The following PCDHB1 variants were observed in gnomAD, a reference collection of about 807,000 sequenced individuals.
PCDHB1 encodes the protein protocadherin beta-1.
PCDHB1 carries 44 observed loss-of-function variants against 43.5 expected under a neutral mutation model. That is an observed-to-expected ratio of 1.01 (90% confidence interval 0.79 to 1.30). The LOEUF (loss-of-function observed/expected upper bound fraction) is 1.30, where lower values mean the gene tolerates loss of function less well. Among genes scored for constraint, PCDHB1 ranks in the 50% most tolerant of loss-of-function variants. The pLI, the probability that PCDHB1 is intolerant of heterozygous loss-of-function variation, is 0.00. For synonymous variants in PCDHB1, 392 were observed against 400.8 expected, an observed-to-expected ratio of 0.98 and a Z score of 0.26; for missense variants, 919 against 1,008.9, an observed-to-expected ratio of 0.91 and a Z score of 1.21.
rs1751040050 is a variant in PCDHB1, at chr5:141,053,206, G to A, written c.1736G>A (p.Arg579Lys). ...GTLPCNDLVP[R>K]SAEAGYLVTK... ...TTGCCCTGCAATGACCTGGTGCCCA[G>A]GTCTGCAGAGGCAGGCTACCTAGTG... Residue 579 changes from arginine to lysine, a missense_variant, in exon 1 of 1, where the codon AGG becomes AAG. Physicochemically the swap from Arg to Lys is conservative, Grantham distance 26. Transcript: ENST00000306549. The A allele has an allele frequency of 4.3e-6, 7 of 1,614,232 alleles. No homozygotes were observed. Among genetic ancestry groups the A allele is most frequent in the East Asian group, 2.2e-5 (1 of 44,878 alleles).
chr5:141,051,599 G>A lies in PCDHB1; in HGVS notation c.129G>A (p.Ser43=), dbSNP rs1466973082. 5.0e-6 allele frequency: 8 copies of A among 1,613,972 alleles called. No homozygotes were observed. Among genetic ancestry groups the A allele is most frequent in the Non-Finnish European group, 5.9e-6 (7 of 1,180,016 alleles). The part of the protein sequence containing the change: ...YSVAEEMESG[S]FVANVAKDLG... ...TGGCAGAGGAAATGGAGAGCGGCTC[G>A]TTTGTGGCCAACGTAGCTAAGGACC... The change falls in exon 1 of 1, where the codon TCG becomes TCA. Residue 43 remains serine (S), a synonymous_variant. Coordinates refer to ENST00000306549, the MANE Select transcript of PCDHB1 (RefSeq NM_013340.4).
At position 141,058,722 on chromosome 5, in the gene PCDHB1, T is replaced by C. The variant is rs1200073318; in HGVS notation, c.*4795T>C. The C allele has an allele frequency of 6.6e-6, 1 of 152,218 alleles. No homozygotes were observed. Among genetic ancestry groups the C allele is most frequent in the African/African-American group, 2.4e-5 (1 of 41,470 alleles). 9.4% of individuals were successfully genotyped at this position (152,218 alleles called of 1,614,324 possible). A position where few individuals can be genotyped will look rare whatever the true frequency, so the allele number is the denominator to read the frequency against. ...ATGTTTCTGCTTAAACCAATTTTAGTATCCATTGCTAGATATTTCCTGTGG... is the reference window on the plus strand; with the variant it reads ...ATGTTTCTGCTTAAACCAATTTTAGCATCCATTGCTAGATATTTCCTGTGG... On this transcript the variant is annotated 3_prime_UTR_variant, in exon 1 of 1. Transcript: ENST00000306549.
chr5:141,053,025 A>C lies in PCDHB1; in HGVS notation c.1555A>C (p.Thr519Pro). 6.2e-7 allele frequency: 1 copy of C among 1,614,226 alleles called. No homozygotes were observed. Among genetic ancestry groups the C allele is most frequent in the Non-Finnish European group, 8.5e-7 (1 of 1,180,044 alleles). ...CAATGGGAAGCTCTACGCGCTGAGA[A>C]CCATGGATTATGAGGCCATTCAAGA... ...SGNGKLYALR[T>P]MDYEAIQDFQ... Residue 519 changes from threonine (T) to proline (P), a missense_variant, in exon 1 of 1, where the codon ACC becomes CCC. Physicochemically the swap from Thr to Pro is conservative, Grantham distance 38. Coordinates refer to ENST00000306549, the MANE Select transcript of PCDHB1 (RefSeq NM_013340.4).
Position 141,056,462 on chromosome 5 carries a change from C to T in PCDHB1, c.*2535C>T. 6.6e-6 allele frequency: 1 copy of T among 152,134 alleles called. No homozygotes were observed. Among genetic ancestry groups the T allele is most frequent in the Non-Finnish European group, 1.5e-5 (1 of 68,020 alleles). The allele number at this position is 152,134 out of a possible 1,614,324, so 9.4% of individuals were successfully genotyped here. ...TTTTTAATATTAAATATTTTACATACATTGAGTTATGATTCCGATTTAGAG... is the reference window on the plus strand; with the variant it reads ...TTTTTAATATTAAATATTTTACATATATTGAGTTATGATTCCGATTTAGAG... On this transcript the variant is annotated 3_prime_UTR_variant, in exon 1 of 1. Coordinates refer to ENST00000306549, the MANE Select transcript of PCDHB1 (RefSeq NM_013340.4).
At position 141,057,820 on chromosome 5, in the gene PCDHB1, C is replaced by T. The variant is rs894144772; in HGVS notation, c.*3893C>T. On this transcript the variant is annotated 3_prime_UTR_variant, in exon 1 of 1. Transcript: ENST00000306549. ...AGGCCACTTGTTTTTGGAGAGAACTCTGTACACCAGCTGAGATTAAGTCCA... is the reference window on the plus strand; with the variant it reads ...AGGCCACTTGTTTTTGGAGAGAACTTTGTACACCAGCTGAGATTAAGTCCA... 7 of 152,190 alleles carry T rather than the reference C, an allele frequency of 4.6e-5. No homozygotes were observed. In the East Asian group the frequency reaches 1.4e-3, roughly 29 times the overall value. The allele number at this position is 152,190 out of a possible 1,614,324, so 9.4% of individuals were successfully genotyped here. A position where few individuals can be genotyped will look rare whatever the true frequency, so the allele number is the denominator to read the frequency against.
rs1274833150 is a variant in PCDHB1, at chr5:141,059,199, T to G, written c.*5272T>G. On this transcript the variant is annotated 3_prime_UTR_variant, in exon 1 of 1. Coordinates refer to ENST00000306549, the MANE Select transcript of PCDHB1 (RefSeq NM_013340.4). ...AATTTTAAAATTTGTTGTGCAGACATGTTTATATAGTTTAAGCTATATATA... is the reference window on the plus strand; with the variant it reads ...AATTTTAAAATTTGTTGTGCAGACAGGTTTATATAGTTTAAGCTATATATA... 1.3e-5 allele frequency: 2 copies of G among 152,134 alleles called. No individual in the cohort carries two copies. Among genetic ancestry groups the G allele is most frequent in the Non-Finnish European group, 2.9e-5 (2 of 67,990 alleles). The allele number at this position is 152,134 out of a possible 1,614,324, so 9.4% of individuals were successfully genotyped here.
At position 141,054,084 on chromosome 5, in the gene PCDHB1, G is replaced by T. The variant is rs146792189; in HGVS notation, c.*157G>T. On this transcript the variant is annotated 3_prime_UTR_variant, in exon 1 of 1. Coordinates refer to ENST00000306549, the MANE Select transcript of PCDHB1 (RefSeq NM_013340.4). ...GTGAAAATGGGAAACCTAGAGTGAG[G>T]CTAGGCTTACTCAATACAAAGCAGT... 580 of 623,486 alleles carry T rather than the reference G, an allele frequency of 9.3e-4. 3 individuals are homozygous for T. In the African/African-American group the frequency reaches 9.9e-3, roughly 11 times the overall value. The allele number at this position is 623,486 out of a possible 1,614,324, so 38.6% of individuals were successfully genotyped here. A position where few individuals can be genotyped will look rare whatever the true frequency, so the allele number is the denominator to read the frequency against.
chr5:141,053,274 T>C lies in PCDHB1; in HGVS notation c.1804T>C (p.Trp602Arg). 6 of 1,614,254 alleles carry C rather than the reference T, an allele frequency of 3.7e-6. No homozygotes were observed. Among genetic ancestry groups the C allele is most frequent in the Non-Finnish European group, 5.1e-6 (6 of 1,180,038 alleles). Residue 602 changes from tryptophan (W) to arginine (R), a missense_variant, in exon 1 of 1, where the codon TGG (tryptophan) becomes CGG (arginine). Coordinates refer to ENST00000306549, the MANE Select transcript of PCDHB1 (RefSeq NM_013340.4). Reference protein sequence around the residue: ...AVDGDSGQNSWLSYHLLKATD... With the variant: ...AVDGDSGQNSRLSYHLLKATD... Reference sequence around the variant, plus strand: ...GGATGGTGACTCAGGTCAGAATTCTTGGCTTTCATATCATCTACTTAAGGC... The same window carrying C: ...GGATGGTGACTCAGGTCAGAATTCTCGGCTTTCATATCATCTACTTAAGGC...
In PCDHB1 at chr5:141,052,787, G is replaced by A; in HGVS notation, c.1317G>A (p.Glu439=). The A allele has an allele frequency of 1.9e-6, 3 of 1,614,164 alleles. No homozygotes were observed. Among genetic ancestry groups the A allele is most frequent in the Non-Finnish European group, 2.5e-6 (3 of 1,180,034 alleles). ...GCTTGTCTGCCGAGACTATGATAGA[G>A]GTGCTAATATCCGACGTTAATGACA... ...PPSLSAETMI[E]VLISDVNDNP... is the part of the protein sequence containing the mutation. Residue 439 remains glutamate, a synonymous_variant, in exon 1 of 1, where the codon GAG becomes GAA. Transcript: ENST00000306549.
In PCDHB1 at chr5:141,053,834, A is replaced by C. The variant is rs782138101; in HGVS notation, c.2364A>C (p.Lys788Asn). 6.2e-7 allele frequency: 1 copy of C among 1,614,168 alleles called. No individual in the cohort carries two copies. The highest frequency in any genetic ancestry group is 8.5e-7 in the Non-Finnish European group (1 of 1,180,008). ...FPFPHATGEI[K>N]MEAGSSLPPN... ...TCCCTCATGCCACTGGGGAGATAAA[A>C]ATGGAGGCTGGCTCCAGTTTGCCCC... Residue 788 changes from lysine (K) to asparagine (N), a missense_variant, in exon 1 of 1, where the codon AAA becomes AAC. Physicochemically the swap from Lys to Asn is moderately conservative, Grantham distance 94 (BLOSUM62 0). Coordinates refer to ENST00000306549, the MANE Select transcript of PCDHB1 (RefSeq NM_013340.4).
chr5:141,052,391 C>T lies in PCDHB1; in HGVS notation c.921C>T (p.Leu307=), dbSNP rs782556817. Residue 307 remains leucine, a synonymous_variant, in exon 1 of 1, where the codon CTC becomes CTT. Coordinates refer to ENST00000306549, the MANE Select transcript of PCDHB1 (RefSeq NM_013340.4). ...QNGEVRLRGP[L]DFEAIETYDI... is the part of the protein sequence containing the mutation. ...GAGAAGTTCGACTAAGAGGACCCCT[C>T]GATTTTGAAGCCATTGAAACATACG... 6.2e-7 allele frequency: 1 copy of T among 1,614,048 alleles called. No individual in the cohort carries two copies. Among genetic ancestry groups the T allele is most frequent in the African/African-American group, 1.3e-5 (1 of 74,924 alleles).
Position 141,052,970 on chromosome 5 carries a change from A to C in PCDHB1, c.1500A>C (p.Ser500=), listed in dbSNP as rs781947713. 5 of 1,614,214 alleles carry C rather than the reference A, an allele frequency of 3.1e-6. No homozygotes were observed. Among genetic ancestry groups the C allele is most frequent in the Admixed American group, 1.7e-5 (1 of 60,032 alleles). Residue 500 remains serine, a synonymous_variant, in exon 1 of 1, where the codon TCA becomes TCC. Transcript: ENST00000306549. ...SLLPPKNGDL[S]VFAYISINSG... Reference sequence around the variant, plus strand: ...TGCCTCCAAAAAACGGAGATCTTTCAGTCTTTGCTTACATATCCATAAATT... The same window carrying C: ...TGCCTCCAAAAAACGGAGATCTTTCCGTCTTTGCTTACATATCCATAAATT...
At position 141,052,204 on chromosome 5, in the gene PCDHB1, T is replaced by C; in HGVS notation, c.734T>C (p.Leu245Pro). The C allele has an allele frequency of 6.2e-6, 10 of 1,614,154 alleles. No homozygotes were observed. The highest frequency in any genetic ancestry group is 8.5e-6 in the Non-Finnish European group (10 of 1,180,014). Reference protein sequence around the residue: ...VNDHVPQFSRLVYRAQVSENS... With the variant: ...VNDHVPQFSRPVYRAQVSENS... ...GACCACGTGCCCCAGTTCTCGCGAC[T>C]GGTGTACAGAGCCCAGGTATCAGAG... Residue 245 changes from leucine (L) to proline (P), a missense_variant, in exon 1 of 1, where the codon CTG becomes CCG. Transcript: ENST00000306549.
rs1439403457 is a variant in PCDHB1 at position 141,054,495 on chromosome 5, T to C, written c.*568T>C. 6.6e-6 allele frequency: 1 copy of C among 152,338 alleles called. No homozygotes were observed. Among genetic ancestry groups the C allele is most frequent in the African/African-American group, 2.4e-5 (1 of 41,424 alleles). The allele number at this position is 152,338 out of a possible 1,614,324, so 9.4% of individuals were successfully genotyped here. On this transcript the variant is annotated 3_prime_UTR_variant, in exon 1 of 1. Coordinates refer to ENST00000306549, the MANE Select transcript of PCDHB1 (RefSeq NM_013340.4). ...GAGTGATTATCTTTGATCAATACCT[T>C]GCCTGCAATCATTCATAATCATAAT... is the stretch of plus-strand genomic sequence containing the variant.
chr5:141,051,903 A>G lies in PCDHB1; in HGVS notation c.433A>G (p.Ser145Gly). The G allele has an allele frequency of 1.2e-6, 2 of 1,614,084 alleles. No homozygotes were observed. The highest frequency in any genetic ancestry group is 1.7e-6 in the Non-Finnish European group (2 of 1,180,014). The change falls in exon 1 of 1, where the codon AGC (serine) becomes GGC (glycine). Residue 145 changes from serine (S) to glycine (G), a missense_variant. Transcript: ENST00000306549. ...GGAGCCGCTTTTAAAGATTCCGGAG[A>G]GCACCCCTTTGGGTTCACGTTTTCC... Reference protein sequence around the residue: ...NKEPLLKIPESTPLGSRFPLQ... With the variant: ...NKEPLLKIPEGTPLGSRFPLQ...
chr5:141,053,520 G>A lies in PCDHB1; in HGVS notation c.2050G>A (p.Val684Ile). The change falls in exon 1 of 1, where the codon GTA (valine) becomes ATA (isoleucine). Residue 684 changes from valine (V) to isoleucine (I), a missense_variant. Coordinates refer to ENST00000306549, the MANE Select transcript of PCDHB1 (RefSeq NM_013340.4). The part of the protein sequence containing the change: ...FQDPTKHSRK[V>I]NPSTKYLVIS... The stretch of plus-strand genomic sequence containing the variant: ...GGATCCAACCAAGCATTCTAGAAAG[G>A]TAAATCCATCCACTAAATATTTGGT... The A allele has an allele frequency of 6.2e-7, 1 of 1,614,124 alleles. No individual in the cohort carries two copies. The highest frequency in any genetic ancestry group is 8.5e-7 in the Non-Finnish European group (1 of 1,180,010).
rs1288546838 is a variant in PCDHB1 at position 141,058,918 on chromosome 5, T to G, written c.*4991T>G. 2 of 152,178 alleles carry G rather than the reference T, an allele frequency of 1.3e-5. No homozygotes were observed. The highest frequency in any genetic ancestry group is 2.9e-5 in the Non-Finnish European group (2 of 68,000). The allele number at this position is 152,178 out of a possible 1,614,324, so 9.4% of individuals were successfully genotyped here. A position where few individuals can be genotyped will look rare whatever the true frequency, so the allele number is the denominator to read the frequency against. ...CTCCTCTATTATTTGGGTTACAAAC[T>G]AATCCTATCATTTACTTTGTTGTTC... On this transcript the variant is annotated 3_prime_UTR_variant, in exon 1 of 1. Coordinates refer to ENST00000306549, the MANE Select transcript of PCDHB1 (RefSeq NM_013340.4).
At position 141,051,518 on chromosome 5, in the gene PCDHB1, T is replaced by C. The variant is rs2233590; in HGVS notation, c.48T>C (p.Ser16=). Residue 16 remains serine, a synonymous_variant, in exon 1 of 1, where the codon TCT becomes TCC. Coordinates refer to ENST00000306549, the MANE Select transcript of PCDHB1 (RefSeq NM_013340.4). ...RKSLQNRQVG[S]LLIFLCISVG... ...CTTTGCAAAACAGGCAAGTGGGATC[T>C]CTTCTCATTTTTCTGTGCATATCTG... is the stretch of plus-strand genomic sequence containing the variant. 6,005 of 1,614,246 alleles carry C rather than the reference T, an allele frequency of 3.7e-3. 224 individuals carry two copies. The East Asian group carries it at 0.092, about 25-fold the overall frequency.
At position 141,053,288 on chromosome 5, in the gene PCDHB1, T is replaced by C. The variant is rs1751043137; in HGVS notation, c.1818T>C (p.His606=). 6.2e-7 allele frequency: 1 copy of C among 1,614,090 alleles called. No individual in the cohort carries two copies. The highest frequency in any genetic ancestry group is 1.1e-5 in the South Asian group (1 of 91,090). ...GTCAGAATTCTTGGCTTTCATATCA[T>C]CTACTTAAGGCCACTGACCTTGGGT... ...DSGQNSWLSY[H]LLKATDLGLF... is the part of the protein sequence containing the mutation. Residue 606 remains histidine, a synonymous_variant, in exon 1 of 1, where the codon CAT becomes CAC. Transcript: ENST00000306549.
Sources: gnomAD v4.1 joint callset for allele counts on GRCh38, gnomAD v4.1.1 for gene constraint, MANE v1.5 for transcripts, NCBI Gene and HGNC (gene_info 2026-07-23, HGNC 2026-07-21) for gene names.